Variants in AMOTL1 observed in about 807,000 individuals in gnomAD.
AMOTL1 encodes angiomotin-like protein 1.
A neutral mutation model predicts 102.9 loss-of-function variants in AMOTL1; 45 were observed. The observed-to-expected ratio is 0.44, with a 90% CI of 0.34 to 0.56. The LOEUF (loss-of-function observed/expected upper bound fraction) is 0.56, where lower values mean the gene tolerates loss of function less well. Ranked by LOEUF, AMOTL1 falls within the 20% of genes least tolerant of loss-of-function variation. The pLI, the probability that AMOTL1 is intolerant of heterozygous loss-of-function variation, is 0.01. For synonymous variants in AMOTL1, 481 were observed against 484.7 expected (o/e 0.99, Z 0.10); for missense variants, 1,114 against 1,225.6 (o/e 0.91, Z 1.36).
intron 1 of AMOTL1, among the ~76,000 whole-genome samples, chr11:94,713,455 T>A (rs1950049477): frequency 6.6e-6 from 1 of 151,874 alleles, no homozygotes; most frequent in Admixed American, 6.6e-5. Context: ...AGACATGTAG[T>A]TTAATTTGGG....
chr11:94,840,099 A>G lies in AMOTL1; in HGVS notation c.1648+8558A>G, dbSNP rs372067464. 2.5e-3 allele frequency among the ~76,000 whole-genome samples: 383 copies of G among 152,310 alleles called. 6 individuals carry two copies. The South Asian group carries it at 0.034, about 14-fold the overall frequency. On this transcript the variant is annotated intron_variant, in intron 6 of 12. Coordinates refer to ENST00000433060, the MANE Select transcript of AMOTL1 (RefSeq NM_130847.3). ...GAATAGAGCTTAGAGTTAATGAAAGAAAGAAAGAAAGAAAGAGAAAGCTTT... is the reference window on the plus strand; with the variant it reads ...GAATAGAGCTTAGAGTTAATGAAAGGAAGAAAGAAAGAAAGAGAAAGCTTT...
rs892833816 is a variant in AMOTL1 at position 94,866,150 on chromosome 11, A to G, written c.2470A>G (p.Thr824Ala). Residue 824 changes from threonine (T) to alanine (A), a missense_variant, in exon 11 of 13, where the codon ACC becomes GCC. Thr to Ala is a moderately conservative substitution (Grantham distance 58). Transcript: ENST00000433060. ...QLAEEKKEEK[T>A]WKGSIGLLLG... ...GGCTGAGGAAAAGAAGGAAGAGAAG[A>G]CCTGGAAGGGGAGCATAGGTGAGCC... 6.2e-7 allele frequency: 1 copy of G among 1,613,994 alleles called. No individual in the cohort carries two copies. Among genetic ancestry groups the G allele is most frequent in the African/African-American group, 1.3e-5 (1 of 75,040 alleles).
intron 3 of AMOTL1, among the ~76,000 whole-genome samples, chr11:94,763,314 T>A (rs189496635): frequency 7.4e-4 from 113 of 152,372 alleles, no homozygotes; most frequent in African/African-American, 2.6e-3. Context: ...ACTCTCTGCT[T>A]TAGACACTGC....
intron 8 of AMOTL1, among the ~76,000 whole-genome samples, chr11:94,858,186 A>G (rs1481558699): frequency 6.6e-6 from 1 of 152,152 alleles, no homozygotes; most frequent in Non-Finnish European, 1.5e-5. Flanking sequence ...GGAGCGTCTC[A>G]TCTCGCTGGA....
intron 4 of AMOTL1, among the ~76,000 whole-genome samples, chr11:94,824,905 T>C (rs1419600644): frequency 1.3e-5 from 2 of 152,224 alleles, no homozygotes; most frequent in African/African-American, 4.8e-5. Context: ...GAATTTAGCC[T>C]ATGCATACTG....
At chr11:94,766,014 C>A (rs1480533019), upstream of AMOTL1, among the ~76,000 whole-genome samples, 1 of 152,176 alleles carries the variant, frequency 6.6e-6, no homozygotes, top group Non-Finnish European at 1.5e-5. Context: ...ATCCATTCTT[C>A]TAAGACTGCA....
chr11:94,789,419 G>A (rs1269190525), intron 1 of AMOTL1, among the ~76,000 whole-genome samples: 10 of 152,258 alleles, frequency 6.6e-5, no homozygotes, highest in East Asian at 3.9e-4. Flanking sequence ...TCGGCCTCCC[G>A]AAGTGCTGGG....
In AMOTL1 at chr11:94,791,893, T is replaced by G. The variant is rs79667411; in HGVS notation, c.50-3118T>G. On this transcript the variant is annotated intron_variant, in intron 1 of 12. Transcript: ENST00000433060. ...CAATTTGTGTTGCAGGAGTTCCCAG[T>G]GAAGACAGTGAATTAAAATAGGCAG... Among the ~76,000 whole-genome samples the G allele has an allele frequency of 9.2e-3, 1,407 of 152,302 alleles. 21 individuals are homozygous for G. Among genetic ancestry groups the G allele is most frequent in the African/African-American group, 0.032 (1,331 of 41,540 alleles).
chr11:94,823,594 T>C (rs950401196), intron 4 of AMOTL1, among the ~76,000 whole-genome samples: 1 of 152,210 alleles, frequency 6.6e-6, no homozygotes, highest in Non-Finnish European at 1.5e-5. Context: ...CCAGAAGCTA[T>C]ACAGACCCAC....
intron 6 of AMOTL1, among the ~76,000 whole-genome samples, chr11:94,843,161 A>G (rs1214660693): frequency 6.6e-6 from 1 of 152,228 alleles, no homozygotes; most frequent in Non-Finnish European, 1.5e-5. Flanking sequence ...AAATCAAACC[A>G]GCATCTTCTA....
intron 3 of AMOTL1, among the ~76,000 whole-genome samples, chr11:94,812,465 T>TA (rs1283100800): frequency 1.3e-5 from 2 of 152,148 alleles, no homozygotes; most frequent in Non-Finnish European, 2.9e-5. Flanking sequence ...AATAGTCGCT[T>TA]ATGCCTTAGT....
intron 1 of AMOTL1, among the ~76,000 whole-genome samples, chr11:94,792,361 T>C (rs1435520808): frequency 6.6e-6 from 1 of 152,182 alleles, no homozygotes; most frequent in Non-Finnish European, 1.5e-5. Flanking sequence ...GAGATATACC[T>C]AATGTAAATG....
upstream of AMOTL1, chr11:94,768,228 C>G (rs953539395): frequency 3.5e-6 from 4 of 1,151,292 alleles, no homozygotes; most frequent in African/African-American, 4.9e-5. Context: ...CGGCGGGTGT[C>G]TGCAGACGGG....
intron 1 of AMOTL1, chr11:94,728,900 T>A: frequency 8.9e-7 from 1 of 1,124,686 alleles, no homozygotes; most frequent in South Asian, 1.3e-5. Flanking sequence ...ATCCCTTTTT[T>A]ATATTCATTA....
chr11:94,868,114 G>A (rs1036427328), intron 11 of AMOTL1, among the ~76,000 whole-genome samples: 14 of 152,302 alleles, frequency 9.2e-5, no homozygotes, highest in African/African-American at 2.6e-4. Flanking sequence ...CCTGCCTGCT[G>A]GATCAGGTCT....
At chr11:94,864,710 C>G (rs755724841) in intron 9 of AMOTL1, 25 bp from the exon 10 acceptor site, 2 of 1,607,738 alleles carry the variant, frequency 1.2e-6, no homozygotes, top group East Asian at 4.5e-5. Flanking sequence ...TTCCTATGAT[C>G]AAACGCATAT....
intron 1 of AMOTL1, among the ~76,000 whole-genome samples, chr11:94,722,046 T>C (rs1241625275): frequency 6.6e-6 from 1 of 152,122 alleles, no homozygotes; most frequent in Non-Finnish European, 1.5e-5. Flanking sequence ...ATAGCAACAC[T>C]TAATCCTCTC....
At chr11:94,786,211 A>G (rs1951186133) in intron 1 of AMOTL1, among the ~76,000 whole-genome samples, 1 of 152,236 alleles carries the variant, frequency 6.6e-6, no homozygotes, top group Non-Finnish European at 1.5e-5. Context: ...ACTATATACA[A>G]TTTGAGTCAA....
At chr11:94,753,173 C>T (rs1049604547) in intron 3 of AMOTL1, among the ~76,000 whole-genome samples, 17 of 152,168 alleles carry the variant, frequency 1.1e-4, no homozygotes, top group African/African-American at 4.1e-4. Flanking sequence ...CTACCTCCCC[C>T]TCCACTGGTT....
Sources: allele counts gnomAD v4.1 joint callset (sites outside exome capture counted in the v4.1 genomes callset), GRCh38; gene constraint gnomAD v4.1.1; transcripts MANE v1.5; gene names NCBI Gene and HGNC (gene_info 2026-07-23, HGNC 2026-07-21).